KCNT1: variants seen among roughly 807,000 people sequenced by gnomAD.
The protein encoded by KCNT1 is potassium channel subfamily T member 1.
A neutral mutation model predicts 147.8 loss-of-function variants in KCNT1; 78 were observed. The observed-to-expected ratio is 0.53, with a 90% CI of 0.44 to 0.64. The LOEUF (loss-of-function observed/expected upper bound fraction) is 0.64. Among genes scored for constraint, KCNT1 ranks in the 30% least tolerant of loss-of-function variants. KCNT1 has a pLI of 0.00. For missense variants in KCNT1, 1,419 were observed against 1,750.3 expected (o/e 0.81, Z 3.38); for synonymous variants, 867 against 748.8 (o/e 1.16, Z -2.58).
In KCNT1 at chr9:135,787,836, T is replaced by C. The variant is rs112625952; in HGVS notation, c.3502+1315T>C. The stretch of plus-strand genomic sequence containing the variant: ...GGGGGGTGCCCAGCATTCATGTTTG[T>C]GGTCCCCTGTGACTGCTGGCAGAGG... On this transcript the variant is annotated intron_variant, in intron 29 of 30. Coordinates refer to ENST00000371757, the MANE Select transcript of KCNT1 (RefSeq NM_020822.3). Among the ~76,000 whole-genome samples the C allele has an allele frequency of 3.2e-3, 482 of 152,316 alleles. 7 individuals are homozygous for C. The highest frequency in any genetic ancestry group is 0.017 in the Admixed American group (264 of 15,304).
chr9:135,763,891 A>G (rs949985220), intron 11 of KCNT1, among the ~76,000 whole-genome samples: 1 of 152,076 alleles, frequency 6.6e-6, no homozygotes, highest in African/African-American at 2.4e-5. Context: ...GAGGAAGCTG[A>G]GGCTCAGAGT....
At chr9:135,788,233 G>C in intron 29 of KCNT1, 1 of 1,290,592 alleles carries the variant, frequency 7.7e-7, no homozygotes, top group Non-Finnish European at 1.1e-6. Flanking sequence ...CGGCAGCCTT[G>C]CTGCGCCATC....
At chr9:135,748,365 G>A (rs1400471376) in intron 2 of KCNT1, among the ~76,000 whole-genome samples, 2 of 150,758 alleles carry the variant, frequency 1.3e-5, no homozygotes, top group Non-Finnish European at 3.0e-5. Flanking sequence ...CACACACCTG[G>A]TCCACACCAC....
rs62584778 is a variant in KCNT1 at position 135,793,812 on chromosome 9, A to G, written c.*1651A>G. ...GGGAGAGGCTGTGTGGATTCAGGGG[A>G]CCAGAAAGTAAGTCCCAGGACCTTG... is the stretch of plus-strand genomic sequence containing the variant. On this transcript the variant is annotated 3_prime_UTR_variant, in exon 31 of 31. Coordinates refer to ENST00000371757, the MANE Select transcript of KCNT1 (RefSeq NM_020822.3). 17,260 of 152,520 alleles carry G rather than the reference A, an allele frequency of 0.11. 1,324 individuals carry two copies. Among genetic ancestry groups the G allele is most frequent in the South Asian group, 0.18 (864 of 4,826 alleles). The allele number at this position is 152,520 out of a possible 1,614,324, so 9.4% of individuals were successfully genotyped here.
At chr9:135,731,274 C>T (rs931566240) in intron 2 of KCNT1, among the ~76,000 whole-genome samples, 15 of 152,322 alleles carry the variant, frequency 9.8e-5, no homozygotes, top group African/African-American at 2.9e-4. Flanking sequence ...GGTCTTTCAG[C>T]GCGGCTCGCG....
At chr9:135,791,337 G>A (rs918678259) in intron 29 of KCNT1, 1 of 187,308 alleles carries the variant, frequency 5.3e-6, no homozygotes, top group Non-Finnish European at 1.1e-5. Context: ...TTGCTATGAA[G>A]ATCTGTGCAG....
In KCNT1 at chr9:135,730,489, A is replaced by G. The variant is rs1420408239; in HGVS notation, c.254+15769A>G. Among the ~76,000 whole-genome samples, 1 of 152,200 alleles carries G rather than the reference A, an allele frequency of 6.6e-6. No homozygotes were observed. Among genetic ancestry groups the G allele is most frequent in the Non-Finnish European group, 1.5e-5 (1 of 68,036 alleles). On this transcript the variant is annotated intron_variant, in intron 2 of 30. Transcript: ENST00000371757. This position sits in a 1 kb window ranked among gnomAD's most constrained non-coding sequence, Gnocchi z 4.7. ...TCACAGATTCCTAGGGGAGGGAGGCAGAGGTTCAGAGTCGCTGGAGAAGGA... is the reference window on the plus strand; with the variant it reads ...TCACAGATTCCTAGGGGAGGGAGGCGGAGGTTCAGAGTCGCTGGAGAAGGA...
chr9:135,756,567 G>A (rs781305198), intron 6 of KCNT1, among the ~76,000 whole-genome samples: 1 of 152,142 alleles, frequency 6.6e-6, no homozygotes, highest in African/African-American at 2.4e-5. Context: ...CCAGGGCAGC[G>A]GGATAGCCGC....
intron 11 of KCNT1, among the ~76,000 whole-genome samples, chr9:135,761,443 T>C (rs1588334642): frequency 6.6e-6 from 1 of 152,264 alleles, no homozygotes; most frequent in South Asian, 2.1e-4. Context: ...AGGAGCACAG[T>C]GTGGGGGGCA....
intron 12 of KCNT1, 148 bp from the exon 13 acceptor site, chr9:135,765,476 G>A (rs1192299270): frequency 3.2e-6 from 3 of 940,364 alleles, no homozygotes; most frequent in African/African-American, 1.7e-5. Context: ...GGCCCTGCGG[G>A]GGCCCCTCTT....
At chr9:135,718,343 G>C (rs1310140403) in intron 2 of KCNT1, among the ~76,000 whole-genome samples, 1 of 152,194 alleles carries the variant, frequency 6.6e-6, no homozygotes, top group Non-Finnish European at 1.5e-5. Flanking sequence ...AGGCCATAGG[G>C]GGCCCAGGTC....
Position 135,757,181 on chromosome 9 carries a change from G to T in KCNT1, c.626G>T (p.Arg209Leu). The change falls in exon 8 of 31, where the codon CGC (arginine) becomes CTC (leucine). Residue 209 changes from arginine (R) to leucine (L), a missense_variant. By Grantham distance (102) the Arg-to-Leu change is moderately radical. Coordinates refer to ENST00000371757, the MANE Select transcript of KCNT1 (RefSeq NM_020822.3). ...GGCAACATCTGGGAGCAGATCTTCCGCGTGTCCTTCGTCCTGGAGATGATC... is the reference window on the plus strand; with the variant it reads ...GGCAACATCTGGGAGCAGATCTTCCTCGTGTCCTTCGTCCTGGAGATGATC... ...YKGNIWEQIF[R>L]VSFVLEMINT... 1 of 1,594,606 alleles carries T rather than the reference G, an allele frequency of 6.3e-7. No individual in the cohort carries two copies.
At chr9:135,704,609 C>T (rs1276757224) in intron 1 of KCNT1, among the ~76,000 whole-genome samples, 1 of 152,226 alleles carries the variant, frequency 6.6e-6, no homozygotes, top group Non-Finnish European at 1.5e-5. Context: ...CAAGTGCCCA[C>T]CCCCTGCCCA....
At chr9:135,783,082 C>T (rs1260846895) in intron 24 of KCNT1, among the ~76,000 whole-genome samples, 2 of 152,184 alleles carry the variant, frequency 1.3e-5, no homozygotes, top group Admixed American at 6.5e-5. Context: ...GCTTGGAGGC[C>T]GAGCTCCAGG....
chr9:135,750,457 G>A (rs1831087463), intron 3 of KCNT1: 1 of 529,648 alleles, frequency 1.9e-6, no homozygotes, highest in Admixed American at 3.1e-5. Context: ...ACCAGGCTGG[G>A]TGGGGCAGGA....
At chr9:135,763,349 C>T (rs1432525835) in intron 11 of KCNT1, among the ~76,000 whole-genome samples, 2 of 152,256 alleles carry the variant, frequency 1.3e-5, no homozygotes, top group Non-Finnish European at 2.9e-5. Flanking sequence ...GCCCTTGAAG[C>T]AGAGTGATGA....
At chr9:135,712,622 G>A (rs536469042) in intron 1 of KCNT1, among the ~76,000 whole-genome samples, 2 of 152,108 alleles carry the variant, frequency 1.3e-5, no homozygotes, top group African/African-American at 2.4e-5. Context: ...ACCAGACCCC[G>A]AGGACACGGG....
At chr9:135,758,384 G>A (rs999685145) in intron 9 of KCNT1, 30 bp from the exon 10 acceptor site, 8 of 1,562,732 alleles carry the variant, frequency 5.1e-6, no homozygotes, top group African/African-American at 4.1e-5. Flanking sequence ...CACAGTCCCT[G>A]CCCGCTGACA....
chr9:135,736,711 C>A, intron 2 of KCNT1: 1 of 363,034 alleles, frequency 2.8e-6, no homozygotes, highest in South Asian at 1.3e-4. Flanking sequence ...CGCCGCAGCC[C>A]CCGAGGAGCC....
Sources: gnomAD v4.1 joint callset for allele counts (sites outside exome capture counted in the v4.1 genomes callset) on GRCh38, gnomAD v4.1.1 for gene constraint, Gnocchi (gnomAD v3.1) non-coding constraint, MANE v1.5 for transcripts, NCBI Gene and HGNC (gene_info 2026-07-23, HGNC 2026-07-21) for gene names.